TENM2: variants seen among roughly 807,000 people sequenced by gnomAD.
TENM2 encodes the protein teneurin-2.
A neutral mutation model predicts 245.2 loss-of-function variants in TENM2; 52 were observed. That is an observed-to-expected ratio of 0.21 (90% confidence interval 0.17 to 0.27). TENM2 has a LOEUF of 0.27. TENM2 is among the 10% of genes least tolerant of loss of function. The pLI, the probability that TENM2 is intolerant of heterozygous loss-of-function variation, is 1.00. For missense variants in TENM2, 3,046 were observed against 3,666.8 expected (o/e 0.83, Z 4.37); for synonymous variants, 1,363 against 1,438.9 (o/e 0.95, Z 1.19).
At chr5:168,190,340 G>T (rs1455213161) in exon 14 of TENM2, 1 of 1,612,982 alleles carries the variant, frequency 6.2e-7, no homozygotes, top group East Asian at 2.2e-5. Flanking sequence ...CTTCCAGATG[G>T]CCTGGTGGAT....
At chr5:168,216,265 G>C (rs1763185299) in intron 21 of TENM2, among the ~76,000 whole-genome samples, 1 of 152,162 alleles carries the variant, frequency 6.6e-6, no homozygotes, top group Non-Finnish European at 1.5e-5. Flanking sequence ...TTGAAGTGCT[G>C]ATTGGAGTCA....
chr5:167,831,997 AT>A (rs926297164), intron 2 of TENM2, among the ~76,000 whole-genome samples: 3 of 150,140 alleles, frequency 2.0e-5, no homozygotes, highest in Non-Finnish European at 3.0e-5. Context: ...AAAAAAAAAA[AT>A]ATTTAGCATC....
intron 5 of TENM2, among the ~76,000 whole-genome samples, chr5:168,027,466 G>C (rs888888308): frequency 6.6e-6 from 1 of 152,156 alleles, no homozygotes; most frequent in African/African-American, 2.4e-5. Flanking sequence ...AAAGTGCTCA[G>C]CTCCAAATCT....
At chr5:167,530,729 A>G (rs1012909090) in intron 2 of TENM2, among the ~76,000 whole-genome samples, 1 of 152,198 alleles carries the variant, frequency 6.6e-6, no homozygotes, top group Admixed American at 6.5e-5. Flanking sequence ...TGACAAATTT[A>G]CAGCCCTGTC....
At chr5:167,053,829 A>G in the TENM2 span, among the ~76,000 whole-genome samples, 2 of 152,180 alleles carry the variant, frequency 1.3e-5, no homozygotes, top group Non-Finnish European at 2.9e-5. Context: ...AACTAACCAT[A>G]GGTATTTCCA....
At chr5:167,926,229 C>G (rs916123904) in intron 3 of TENM2, among the ~76,000 whole-genome samples, 12 of 152,030 alleles carry the variant, frequency 7.9e-5, no homozygotes, top group Non-Finnish European at 5.9e-5. Flanking sequence ...TGAAAATCAC[C>G]TGTATTCTTC....
At chr5:166,989,865 G>A in the TENM2 span, among the ~76,000 whole-genome samples, 5 of 149,864 alleles carry the variant, frequency 3.3e-5, no homozygotes, top group South Asian at 6.5e-4. Flanking sequence ...GTATTAAGCC[G>A]AATACTTTTC....
At chr5:167,070,350 C>T in the TENM2 span, among the ~76,000 whole-genome samples, 2 of 142,178 alleles carry the variant, frequency 1.4e-5, no homozygotes, top group Admixed American at 7.2e-5. Context: ...AGGATGGTCT[C>T]GGTCTCCTGA....
chr5:167,976,242 C>T lies in TENM2; in HGVS notation c.948-16702C>T, dbSNP rs888002839. ...TGGTTGGTTGTTTTTTCACTTCTTT[C>T]TGGGCCTTAGGATACTGATCTAGAA... On this transcript the variant is annotated intron_variant, in intron 4 of 28. Transcript: ENST00000518659. Among the ~76,000 whole-genome samples, 21 of 152,026 alleles carry T rather than the reference C, an allele frequency of 1.4e-4. No homozygotes were observed. The East Asian group carries it at 3.7e-3, about 27-fold the overall frequency.
intron 12 of TENM2, among the ~76,000 whole-genome samples, chr5:168,146,137 T>G (rs1283683970): frequency 8.6e-5 from 13 of 151,724 alleles, no homozygotes; most frequent in Admixed American, 7.9e-4. Context: ...CAGGGACAAT[T>G]TGACTTCCTC....
the TENM2 span, among the ~76,000 whole-genome samples, chr5:167,124,784 T>C: frequency 6.6e-6 from 1 of 152,196 alleles, no homozygotes; most frequent in South Asian, 2.1e-4. Context: ...ATTACCAGTG[T>C]TCAATAAATA....
At chr5:167,046,192 G>A in the TENM2 span, among the ~76,000 whole-genome samples, 1 of 152,080 alleles carries the variant, frequency 6.6e-6, no homozygotes, top group African/African-American at 2.4e-5. Context: ...AAATAACTCT[G>A]TGTGGACGTC....
At chr5:167,112,201 A>G in the TENM2 span, among the ~76,000 whole-genome samples, 2 of 152,218 alleles carry the variant, frequency 1.3e-5, no homozygotes, top group East Asian at 3.9e-4. Context: ...TACCCAAAAA[A>G]TCATTCAGGT....
intron 2 of TENM2, among the ~76,000 whole-genome samples, chr5:167,620,388 A>G (rs944502065): frequency 1.2e-4 from 18 of 152,088 alleles, no homozygotes; most frequent in Non-Finnish European, 2.2e-4. Flanking sequence ...TTTACTGAAA[A>G]GCATTTTAAA....
intron 2 of TENM2, among the ~76,000 whole-genome samples, chr5:167,586,779 G>A (rs1227517237): frequency 1.3e-5 from 2 of 152,150 alleles, no homozygotes; most frequent in African/African-American, 2.4e-5. Flanking sequence ...AAGCGTTCTG[G>A]AATGAGTAAT....
chr5:167,968,396 T>G (rs1391689781), intron 4 of TENM2, among the ~76,000 whole-genome samples: 1 of 152,194 alleles, frequency 6.6e-6, no homozygotes, highest in Non-Finnish European at 1.5e-5. Context: ...TCATTTGTAC[T>G]TAAGCTGTGT....
Position 167,727,110 on chromosome 5 carries a change from T to TTTC in TENM2, c.503-148874_503-148873insCTT, listed in dbSNP as rs1554106396. 6.0e-5 allele frequency among the ~76,000 whole-genome samples: 8 copies of TTTC among 134,162 alleles called. No homozygotes were observed. The East Asian group carries it at 1.7e-3, about 29-fold the overall frequency. 88.0% of individuals were successfully genotyped at this position (134,162 alleles called of 152,430 possible). On this transcript the variant is annotated intron_variant, in intron 2 of 28. Coordinates refer to ENST00000518659, the Ensembl canonical transcript of TENM2. ...GTAATGAATCCATTAATTTCTTTTT[T>TTTC]TTTTTTTTTTTTTTTTTGAGATGGA...
intron 5 of TENM2, among the ~76,000 whole-genome samples, chr5:168,013,501 G>C (rs985659725): frequency 2.0e-5 from 3 of 151,982 alleles, no homozygotes; most frequent in Non-Finnish European, 4.4e-5. Flanking sequence ...CTACCCAGGA[G>C]GCTGAGGCAG....
intron 2 of TENM2, among the ~76,000 whole-genome samples, chr5:167,665,486 A>G (rs1024598605): frequency 1.3e-5 from 2 of 152,190 alleles, no homozygotes; most frequent in African/African-American, 4.8e-5. Flanking sequence ...TTTAAATTTT[A>G]TGGATTCCAG....
Sources: gnomAD v4.1 joint callset for allele counts (sites outside exome capture counted in the v4.1 genomes callset) on GRCh38, gnomAD v4.1.1 for gene constraint, MANE v1.5 for transcripts, NCBI Gene and HGNC (gene_info 2026-07-23, HGNC 2026-07-21) for gene names.